Variants in CA10 observed in about 807,000 individuals in gnomAD.
CA10 encodes carbonic anhydrase-related protein 10.
Under a neutral mutation model 44.2 loss-of-function variants are expected in CA10, and 14 were observed. The observed-to-expected ratio is 0.32, with a 90% CI of 0.21 to 0.50. CA10 has a LOEUF of 0.50. Among genes scored for constraint, CA10 ranks in the 20% least tolerant of loss-of-function variants. CA10 has a pLI of 0.99. For missense variants in CA10, 350 were observed against 409.7 expected, an observed-to-expected ratio of 0.85 and a Z score of 1.26; for synonymous variants, 159 against 141.6, an observed-to-expected ratio of 1.12 and a Z score of -0.87.
intron 3 of CA10, among the ~76,000 whole-genome samples, chr17:51,797,346 GCGCGCACGCACGCGTGCACGCACACA>G (rs1567842816): frequency 6.6e-6 from 1 of 152,174 alleles, no homozygotes; most frequent in Non-Finnish European, 1.5e-5. Context: ...AGGCGCATGC[GCGCGCACGCACGCGTGCACGCACACA>G]CGCACACCCC....
At chr17:51,772,383 A>G (rs1189468876) in intron 3 of CA10, among the ~76,000 whole-genome samples, 1 of 152,238 alleles carries the variant, frequency 6.6e-6, no homozygotes, top group Non-Finnish European at 1.5e-5. Context: ...TTATTTTACA[A>G]TGAAAGTGCT....
In CA10 at chr17:52,121,661, AACACACACACACACAGATAC is replaced by A. The variant is rs1434326446; in HGVS notation, c.61+36045_61+36064del. On this transcript the variant is annotated intron_variant, in intron 1 of 8. Transcript: ENST00000451037. Reference sequence around the variant, plus strand: ...ATGAGGGAATCTCTATCTATCTCTAAACACACACACACACAGATACACACACACACACACACACACACCAG... The same window carrying A: ...ATGAGGGAATCTCTATCTATCTCTAAACACACACACACACACACACACCAG... Among the ~76,000 whole-genome samples the A allele has an allele frequency of 3.4e-5, 3 of 88,882 alleles. No homozygotes were observed. In the Admixed American group the frequency reaches 4.5e-4, roughly 13 times the overall value. The allele number at this position is 88,882 out of a possible 152,430, so 58.3% of individuals were successfully genotyped here.
chr17:51,688,384 T>G (rs906732944), intron 4 of CA10, among the ~76,000 whole-genome samples: 4 of 152,238 alleles, frequency 2.6e-5, no homozygotes, highest in Non-Finnish European at 5.9e-5. Flanking sequence ...ATACATTGAT[T>G]AATAACATTC....
intron 3 of CA10, among the ~76,000 whole-genome samples, chr17:51,843,525 G>T (rs939096396): frequency 6.6e-6 from 1 of 152,034 alleles, no homozygotes. Flanking sequence ...TTTCCCCCAC[G>T]TGAAGTCTCC....
chr17:51,768,194 T>G (rs1228925370), intron 3 of CA10, among the ~76,000 whole-genome samples: 1 of 152,090 alleles, frequency 6.6e-6, no homozygotes, highest in Non-Finnish European at 1.5e-5. Flanking sequence ...TGTTTATCTT[T>G]TATTTTGCTT....
intron 1 of CA10, among the ~76,000 whole-genome samples, chr17:52,138,282 T>C (rs1370387973): frequency 4.6e-5 from 7 of 152,210 alleles, no homozygotes; most frequent in African/African-American, 1.2e-4. Context: ...TAATGACTTT[T>C]GTGATTACAT....
intron 4 of CA10, among the ~76,000 whole-genome samples, chr17:51,694,742 GA>G (rs1453367500): frequency 6.6e-6 from 1 of 152,138 alleles, no homozygotes; most frequent in East Asian, 1.9e-4. Flanking sequence ...CTAACATCCA[GA>G]ATGGTGTTTC....
intron 3 of CA10, among the ~76,000 whole-genome samples, chr17:51,874,163 C>G (rs1979943790): frequency 6.6e-6 from 1 of 152,126 alleles, no homozygotes; most frequent in Non-Finnish European, 1.5e-5. Flanking sequence ...GACCAATGCT[C>G]TAAGTCCATT....
intron 4 of CA10, among the ~76,000 whole-genome samples, chr17:51,721,729 G>T (rs1323177970): frequency 6.6e-6 from 1 of 152,118 alleles, no homozygotes; most frequent in Non-Finnish European, 1.5e-5. Flanking sequence ...GTCTTCGCGA[G>T]ATTTGATGAG....
chr17:51,913,917 A>G (rs745563735), intron 3 of CA10, among the ~76,000 whole-genome samples: 2 of 152,060 alleles, frequency 1.3e-5, no homozygotes, highest in Admixed American at 6.6e-5. Flanking sequence ...ATCTATTACC[A>G]TTATTATTAT....
At chr17:51,884,415 C>G (rs12149982) in intron 3 of CA10, among the ~76,000 whole-genome samples, 1 of 152,080 alleles carries the variant, frequency 6.6e-6, no homozygotes, top group East Asian at 1.9e-4. Context: ...TTCTCTAGAA[C>G]GGGTTGTCTT....
chr17:51,675,492 T>C (rs529945244), intron 4 of CA10, among the ~76,000 whole-genome samples: 4 of 148,548 alleles, frequency 2.7e-5, no homozygotes, highest in East Asian at 2.0e-4. Flanking sequence ...GAGGTTGCAG[T>C]GAGCTGAGAT....
At chr17:51,637,610 G>T (rs1228318177) in intron 6 of CA10, among the ~76,000 whole-genome samples, 1 of 152,206 alleles carries the variant, frequency 6.6e-6, no homozygotes, top group Non-Finnish European at 1.5e-5. Context: ...CTTCAGTTTA[G>T]TATTGTGCAC....
At chr17:52,153,238 G>C (rs1174476130) in intron 1 of CA10, among the ~76,000 whole-genome samples, 2 of 152,052 alleles carry the variant, frequency 1.3e-5, no homozygotes, top group Non-Finnish European at 2.9e-5. Flanking sequence ...TCAGTAACTG[G>C]GCTATATGAC....
chr17:52,069,261 A>G (rs1298836120), intron 2 of CA10, among the ~76,000 whole-genome samples: 3 of 152,194 alleles, frequency 2.0e-5, no homozygotes, highest in African/African-American at 7.2e-5. Flanking sequence ...AGCCATCACA[A>G]TGTCTAAACC....
intron 4 of CA10, among the ~76,000 whole-genome samples, chr17:51,714,272 G>T (rs1349797910): frequency 6.6e-6 from 1 of 152,112 alleles, no homozygotes; most frequent in Non-Finnish European, 1.5e-5. Context: ...TTGCAATCCA[G>T]AAAAAATTGA....
At chr17:52,080,729 C>G (rs531071316) in intron 1 of CA10, among the ~76,000 whole-genome samples, 73 of 152,102 alleles carry the variant, frequency 4.8e-4, no homozygotes, top group African/African-American at 1.7e-3. Flanking sequence ...CCCTTTTTCC[C>G]CCCGAAATTC....
intron 2 of CA10, among the ~76,000 whole-genome samples, chr17:52,041,100 G>T (rs537588008): frequency 1.3e-5 from 2 of 151,996 alleles, no homozygotes; most frequent in Non-Finnish European, 2.9e-5. Flanking sequence ...ATGAAGCAAA[G>T]CTTCCAAGCC....
chr17:51,797,343 TGCGCGCGCACGC>T (rs1567842807), intron 3 of CA10, among the ~76,000 whole-genome samples: 1 of 152,224 alleles, frequency 6.6e-6, no homozygotes. Flanking sequence ...CGCAGGCGCA[TGCGCGCGCACGC>T]ACGCGTGCAC....
Sources: allele counts gnomAD v4.1 joint callset (sites outside exome capture counted in the v4.1 genomes callset), GRCh38; gene constraint gnomAD v4.1.1; transcripts MANE v1.5; gene names NCBI Gene and HGNC (gene_info 2026-07-23, HGNC 2026-07-21).